EYA4: variants seen among roughly 807,000 people sequenced by gnomAD.
EYA4 encodes the protein protein phosphatase EYA4.
A neutral mutation model predicts 87.9 loss-of-function variants in EYA4; 31 were observed. That is an observed-to-expected ratio of 0.35 (90% CI 0.27 to 0.48). The LOEUF (loss-of-function observed/expected upper bound fraction) is 0.48. Among genes scored for constraint, EYA4 ranks in the 20% least tolerant of loss-of-function variants. The pLI, the probability that EYA4 is intolerant of heterozygous loss-of-function variation, is 0.99. For synonymous variants in EYA4, 263 were observed against 270.6 expected, an observed-to-expected ratio of 0.97 and a Z score of 0.28; for missense variants, 678 against 761.4, an observed-to-expected ratio of 0.89 and a Z score of 1.29.
intron 16 of EYA4, among the ~76,000 whole-genome samples, chr6:133,514,298 A>G (rs13212719): frequency 0.18 from 27,428 of 152,242 alleles, 3,087 homozygotes; most frequent in East Asian, 0.42. Flanking sequence ...GTTAAAATCA[A>G]TGGTAGATAA....
intron 1 of EYA4, among the ~76,000 whole-genome samples, chr6:133,265,314 T>TTTATTAG (rs1401932104): frequency 1.8e-4 from 27 of 151,968 alleles, no homozygotes; most frequent in African/African-American, 6.3e-4. Context: ...AAACCGCAAT[T>TTTATTAG]GTTTTTGCAC....
chr6:133,291,036 T>G (rs1416805425), intron 2 of EYA4, among the ~76,000 whole-genome samples: 1 of 152,202 alleles, frequency 6.6e-6, no homozygotes, highest in Non-Finnish European at 1.5e-5. Context: ...AACTTTATTT[T>G]GCATGTTTGT....
chr6:133,319,263 A>C (rs1352563799), intron 2 of EYA4, among the ~76,000 whole-genome samples: 1 of 152,250 alleles, frequency 6.6e-6, no homozygotes, highest in South Asian at 2.1e-4. Flanking sequence ...GAATTTCAGA[A>C]CAAGGCATAA....
intron 2 of EYA4, among the ~76,000 whole-genome samples, chr6:133,356,791 G>A (rs9493607): frequency 0.39 from 43,912 of 111,884 alleles, 7,234 homozygotes; most frequent in African/African-American, 0.47. Flanking sequence ...GTGTGTGTGT[G>A]TATATATATA....
At chr6:133,484,395 G>A (rs942637313) in intron 13 of EYA4, among the ~76,000 whole-genome samples, 3 of 152,164 alleles carry the variant, frequency 2.0e-5, no homozygotes, top group African/African-American at 7.2e-5. Flanking sequence ...ATAAAATTGC[G>A]TTGAAGTCTA....
intron 2 of EYA4, among the ~76,000 whole-genome samples, chr6:133,295,105 G>A (rs959271770): frequency 3.9e-5 from 6 of 152,118 alleles, no homozygotes; most frequent in African/African-American, 1.4e-4. Flanking sequence ...AATATTTTGA[G>A]TAATATGCTA....
intron 2 of EYA4, among the ~76,000 whole-genome samples, chr6:133,278,868 A>G (rs1777400010): frequency 6.6e-6 from 1 of 152,196 alleles, no homozygotes; most frequent in South Asian, 2.1e-4. Context: ...AGTTATAGCC[A>G]GTTACAGCTT....
At chr6:133,308,535 C>G (rs537472674) in intron 2 of EYA4, among the ~76,000 whole-genome samples, 2 of 152,258 alleles carry the variant, frequency 1.3e-5, no homozygotes, top group African/African-American at 2.4e-5. Context: ...CAATCATTCT[C>G]TCTCCCTCCT....
At chr6:133,368,385 G>A (rs960703626) in intron 2 of EYA4, among the ~76,000 whole-genome samples, 4 of 152,160 alleles carry the variant, frequency 2.6e-5, no homozygotes, top group African/African-American at 9.7e-5. Flanking sequence ...GGTTCACTGG[G>A]CCTCTATTGT....
chr6:133,444,934 A>G (rs1468583609), intron 3 of EYA4, among the ~76,000 whole-genome samples: 1 of 152,146 alleles, frequency 6.6e-6, no homozygotes, highest in African/African-American at 2.4e-5. Context: ...TAGTCCATTG[A>G]TATTTAGTGT....
At chr6:133,507,057 T>TA (rs1352945417) in intron 14 of EYA4, among the ~76,000 whole-genome samples, 1 of 152,236 alleles carries the variant, frequency 6.6e-6, no homozygotes, top group Non-Finnish European at 1.5e-5. Flanking sequence ...TTAAAGTTTT[T>TA]ATCTATAGTC....
At chr6:133,495,677 G>T (rs1797594984) in intron 13 of EYA4, among the ~76,000 whole-genome samples, 1 of 152,142 alleles carries the variant, frequency 6.6e-6, no homozygotes, top group Non-Finnish European at 1.5e-5. Context: ...TATGCAGTAA[G>T]AATGGCCATG....
chr6:133,505,577 A>T (rs1798526050), intron 13 of EYA4, among the ~76,000 whole-genome samples: 1 of 152,314 alleles, frequency 6.6e-6, no homozygotes, highest in Admixed American at 6.5e-5. Flanking sequence ...ATTAAAAATT[A>T]AGTGATGGTC....
At chr6:133,518,699 G>A (rs1156653424) in intron 17 of EYA4, among the ~76,000 whole-genome samples, 2 of 151,962 alleles carry the variant, frequency 1.3e-5, no homozygotes, top group African/African-American at 2.4e-5. Context: ...AAAAATTCTG[G>A]TGCATCCCAC....
rs756478373 is a variant in EYA4 at position 133,324,904 on chromosome 6, A to ATTTTTTT, written c.33+50109_33+50115dup. On this transcript the variant is annotated intron_variant, in intron 2 of 19. Transcript: ENST00000355286. ...ATTTATGGAGTATATTTCAGAAGCT[A>ATTTTTTT]TTTTTTTTTTTTTTTTTTTTTTTTG... 1.8e-4 allele frequency among the ~76,000 whole-genome samples: 15 copies of ATTTTTTT among 83,576 alleles called. 1 individual carries two copies. Among genetic ancestry groups the ATTTTTTT allele is most frequent in the African/African-American group, 6.6e-4 (14 of 21,070 alleles). The allele number at this position is 83,576 out of a possible 152,430, so 54.8% of individuals were successfully genotyped here.
chr6:133,259,052 G>A (rs535109811), intron 1 of EYA4, among the ~76,000 whole-genome samples: 65 of 152,102 alleles, frequency 4.3e-4, no homozygotes, highest in African/African-American at 1.5e-3. Flanking sequence ...ATATTAATAC[G>A]TCAATTTATA....
intron 3 of EYA4, among the ~76,000 whole-genome samples, chr6:133,417,832 G>T (rs1255494706): frequency 1.3e-5 from 2 of 152,142 alleles, no homozygotes; most frequent in African/African-American, 4.8e-5. Flanking sequence ...GAGCTGAGGT[G>T]GGACTTGAAG....
At chr6:133,369,432 C>A (rs1000595897) in intron 2 of EYA4, among the ~76,000 whole-genome samples, 3 of 151,930 alleles carry the variant, frequency 2.0e-5, no homozygotes, top group Non-Finnish European at 4.4e-5. Context: ...TCTGTGTGAG[C>A]ATTTATAATT....
At chr6:133,304,907 T>C (rs1779691711) in intron 2 of EYA4, among the ~76,000 whole-genome samples, 1 of 152,068 alleles carries the variant, frequency 6.6e-6, no homozygotes, top group African/African-American at 2.4e-5. Flanking sequence ...AGATAAGAAA[T>C]AATATCAGTG....
Sources: allele counts gnomAD v4.1 joint callset (sites outside exome capture counted in the v4.1 genomes callset), GRCh38; gene constraint gnomAD v4.1.1; transcripts MANE v1.5; gene names NCBI Gene and HGNC (gene_info 2026-07-23, HGNC 2026-07-21).